The following TPD52L1 variants were observed in gnomAD, a reference collection of about 807,000 sequenced individuals.
TPD52L1 encodes the protein tumor protein D53.
Under a neutral mutation model 28.7 loss-of-function variants are expected in TPD52L1, and 18 were observed. The ratio of observed to expected loss-of-function variants is 0.63; its 90% confidence interval spans 0.43 to 0.93. TPD52L1 has a LOEUF of 0.93. TPD52L1 is among the 40% of genes least tolerant of loss of function. The pLI is 0.00. For synonymous variants in TPD52L1, 75 were observed against 88.8 expected (o/e 0.84, Z 0.88); for missense variants, 203 against 254.8 (o/e 0.80, Z 1.39).
intron 4 of TPD52L1, among the ~76,000 whole-genome samples, chr6:125,249,691 CAAAAAAAAAA>C (rs11431442): frequency 1.3e-5 from 1 of 75,200 alleles, no homozygotes; most frequent in Non-Finnish European, 2.9e-5. Context: ...GACTCTGTCT[CAAAAAAAAAA>C]AAAAAAAAAG....
chr6:125,172,023 T>C (rs79259775), intron 1 of TPD52L1, among the ~76,000 whole-genome samples: 8,973 of 150,976 alleles, frequency 0.059, 551 homozygotes, highest in East Asian at 0.33. Context: ...ACCCTTCCCC[T>C]ACTGCCTCCT....
At chr6:125,244,062 T>G (rs1796776378) in intron 3 of TPD52L1, among the ~76,000 whole-genome samples, 1 of 152,206 alleles carries the variant, frequency 6.6e-6, no homozygotes, top group South Asian at 2.1e-4. Flanking sequence ...GGTTGAAGAC[T>G]CAGTATGAGA....
At chr6:125,170,626 G>A (rs1363562357) in intron 1 of TPD52L1, among the ~76,000 whole-genome samples, 1 of 151,962 alleles carries the variant, frequency 6.6e-6, no homozygotes, top group Non-Finnish European at 1.5e-5. Context: ...TGTTTCTCTG[G>A]CTACTGCTAT....
chr6:125,194,730 A>G (rs1793301332), intron 1 of TPD52L1, among the ~76,000 whole-genome samples: 1 of 152,226 alleles, frequency 6.6e-6, no homozygotes, highest in South Asian at 2.1e-4. Flanking sequence ...TATTACCTCT[A>G]TGAAGATCTT....
At chr6:125,240,324 A>T (rs1376969459) in intron 3 of TPD52L1, among the ~76,000 whole-genome samples, 1 of 152,070 alleles carries the variant, frequency 6.6e-6, no homozygotes, top group Non-Finnish European at 1.5e-5. Flanking sequence ...TGGGGGTTCC[A>T]TGTGAATTTT....
chr6:125,252,102 C>T lies in TPD52L1; in HGVS notation c.387-1615C>T, dbSNP rs1041452783. 28 of 1,516,332 alleles carry T rather than the reference C, an allele frequency of 1.8e-5. No individual in the cohort carries two copies. In the African/African-American group the frequency reaches 3.0e-4, roughly 16 times the overall value. The allele number at this position is 1,516,332 out of a possible 1,614,324, so 93.9% of individuals were successfully genotyped here. ...CTTGCTGCCCCTTTGCTTTCCAGGG[C>T]TCCCTGTTTCTTTCACACTGTGCCT... On this transcript the variant is annotated intron_variant, in intron 4 of 6. Transcript: ENST00000534000.
At chr6:125,223,860 G>T (rs996697018) in intron 2 of TPD52L1, among the ~76,000 whole-genome samples, 1 of 151,924 alleles carries the variant, frequency 6.6e-6, no homozygotes, top group Admixed American at 6.6e-5. Context: ...ATGCATAGAA[G>T]GAATGTAATT....
At chr6:125,244,330 G>T (rs1455424556) in intron 3 of TPD52L1, among the ~76,000 whole-genome samples, 2 of 152,176 alleles carry the variant, frequency 1.3e-5, no homozygotes, top group African/African-American at 4.8e-5. Context: ...GCTAAGGCAG[G>T]TGGGTAGATG....
rs1449334004 is a variant in TPD52L1 at position 125,262,970 on chromosome 6, C to T, written c.*8C>T. 6.2e-7 allele frequency: 1 copy of T among 1,611,210 alleles called. No individual in the cohort carries two copies. The highest frequency in any genetic ancestry group is 2.2e-5 in the East Asian group (1 of 44,772). On this transcript the variant is annotated 3_prime_UTR_variant, in exon 7 of 7. Transcript: ENST00000534000. ...GAGGAGCTGCAGTGCTAAGTCCAGC[C>T]AGCGTGCAGCTGCATCCAGAAACCG...
intron 1 of TPD52L1, among the ~76,000 whole-genome samples, chr6:125,162,794 A>G (rs1254433264): frequency 1.3e-5 from 2 of 152,266 alleles, no homozygotes; most frequent in African/African-American, 4.8e-5. Flanking sequence ...AGCAGGGCCT[A>G]GCACATGGTA....
intron 1 of TPD52L1, among the ~76,000 whole-genome samples, chr6:125,211,302 TC>T (rs1794488525): frequency 6.7e-6 from 1 of 148,336 alleles, no homozygotes; most frequent in South Asian, 2.1e-4. Flanking sequence ...TATCTATCTA[TC>T]TATCGTGTAA....
In TPD52L1 at chr6:125,198,814, C is replaced by T. The variant is rs529494832; in HGVS notation, c.20-21264C>T. Among the ~76,000 whole-genome samples the T allele has an allele frequency of 7.2e-5, 11 of 152,166 alleles. No individual in the cohort carries two copies. The East Asian group carries it at 7.7e-4, about 11-fold the overall frequency. ...AGACAGTGCTGATTGCCACAACTTA[C>T]GGGATGAGTACTACTCGTATCTAGT... On this transcript the variant is annotated intron_variant, in intron 1 of 6. Coordinates refer to ENST00000534000, the MANE Select transcript of TPD52L1 (RefSeq NM_003287.4).
intron 1 of TPD52L1, among the ~76,000 whole-genome samples, chr6:125,167,140 C>T (rs1198136625): frequency 6.6e-6 from 1 of 152,018 alleles, no homozygotes; most frequent in Non-Finnish European, 1.5e-5. Context: ...TAGTGCATGC[C>T]TGTAGTCCCA....
intron 1 of TPD52L1, among the ~76,000 whole-genome samples, chr6:125,156,641 G>T (rs508692): frequency 0.39 from 58,888 of 151,682 alleles, 12,059 homozygotes; most frequent in African/African-American, 0.53. Context: ...GTGGTGGTGC[G>T]TGCCTGTATC....
At chr6:125,211,965 A>G (rs1373658841) in intron 1 of TPD52L1, among the ~76,000 whole-genome samples, 4 of 152,202 alleles carry the variant, frequency 2.6e-5, no homozygotes, top group Admixed American at 6.5e-5. Flanking sequence ...AACTTGTTTT[A>G]TATCTTTAAT....
chr6:125,256,705 T>C (rs530414960), intron 5 of TPD52L1, among the ~76,000 whole-genome samples: 115 of 152,366 alleles, frequency 7.5e-4, no homozygotes, highest in African/African-American at 2.7e-3. Flanking sequence ...TTTCCATTGC[T>C]TACTAAAAAA....
chr6:125,228,532 TG>T (rs959860694), intron 2 of TPD52L1, among the ~76,000 whole-genome samples: 1 of 152,136 alleles, frequency 6.6e-6, no homozygotes, highest in Non-Finnish European at 1.5e-5. Context: ...CAACTGTGTG[TG>T]GTTGGCAAAA....
chr6:125,181,762 T>C (rs1177750797), intron 1 of TPD52L1, among the ~76,000 whole-genome samples: 1 of 152,230 alleles, frequency 6.6e-6, no homozygotes, highest in Non-Finnish European at 1.5e-5. Context: ...CCAGTTTACA[T>C]TGGCGTGGTG....
chr6:125,160,037 C>T (rs761724748), intron 1 of TPD52L1, among the ~76,000 whole-genome samples: 76 of 152,252 alleles, frequency 5.0e-4, no homozygotes, highest in Non-Finnish European at 7.5e-4. Context: ...CTCTTGCCTG[C>T]CACCATGTGA....
Sources: allele counts gnomAD v4.1 joint callset (sites outside exome capture counted in the v4.1 genomes callset), GRCh38; gene constraint gnomAD v4.1.1; transcripts MANE v1.5; gene names NCBI Gene and HGNC (gene_info 2026-07-23, HGNC 2026-07-21).